The following LMTK3 variants were observed in gnomAD, a reference collection of about 807,000 sequenced individuals.
LMTK3 encodes lemur tail kinase 3.
A neutral mutation model predicts 116.7 loss-of-function variants in LMTK3; 27 were observed. The ratio of observed to expected loss-of-function variants is 0.23; its 90% confidence interval spans 0.17 to 0.32. LMTK3 has a LOEUF of 0.32. Among genes scored for constraint, LMTK3 ranks in the 10% least tolerant of loss-of-function variants. The probability of loss-of-function intolerance (pLI) is 1.00; values close to 1 mark genes in which losing one functional copy is unlikely to be tolerated. For missense variants in LMTK3, 1,764 were observed against 2,068.5 expected, an observed-to-expected ratio of 0.85 and a Z score of 2.86; for synonymous variants, 965 against 971.0, an observed-to-expected ratio of 0.99 and a Z score of 0.11.
In LMTK3 at chr19:48,485,680, C is replaced by T. The variant is rs1008586580; in HGVS notation, c.*93G>A. ...GCCTCGGGGGCCTCCCCAGAGGCGG[C>T]GTCTGCGGTGGTGGCAGTGGCGCCG... On this transcript the variant is annotated 3_prime_UTR_variant, in exon 15 of 15. Coordinates refer to ENST00000600059, the MANE Select transcript of LMTK3 (RefSeq NM_001388485.1). The T allele has an allele frequency of 2.1e-5, 29 of 1,410,826 alleles. No homozygotes were observed. Among genetic ancestry groups the T allele is most frequent in the East Asian group, 4.9e-5 (2 of 40,736 alleles). The allele number at this position is 1,410,826 out of a possible 1,614,324, so 87.4% of individuals were successfully genotyped here.
chr19:48,504,249 A>T lies in LMTK3; in HGVS notation c.558-1253T>A, dbSNP rs1643477. On this transcript the variant is annotated intron_variant, in intron 5 of 14. Transcript: ENST00000600059. ...CCCTCCGGGCCTCTGCCTCAACATC[A>T]TCTCCCCGGGAAGCTTTGCTGCCCC... Among the ~76,000 whole-genome samples, 882 of 151,864 alleles carry T rather than the reference A, an allele frequency of 5.8e-3. 9 individuals carry two copies. The highest frequency in any genetic ancestry group is 0.02 in the African/African-American group (837 of 41,386).
At chr19:48,512,058 G>T (rs927297048), upstream of LMTK3, among the ~76,000 whole-genome samples, 3 of 150,972 alleles carry the variant, frequency 2.0e-5, no homozygotes, top group Non-Finnish European at 3.0e-5. Flanking sequence ...CAGCGGGGGT[G>T]GGGGGGCAGG....
chr19:48,498,861 G>A lies in LMTK3; in HGVS notation c.2208C>T (p.Leu736=). The change falls in exon 11 of 15, where the codon CTC becomes CTT. Residue 736 remains leucine, a synonymous_variant. Transcript: ENST00000600059. ...GGTACTGGGGCGCCGCCGCCCCCAT[G>A]AGGGGGTCCAGAAACTCGGGGGGGG... is the stretch of plus-strand genomic sequence containing the variant. ...ASAPPEFLDP[L]MGAAAPQYPG... 1 of 1,217,322 alleles carries A rather than the reference G, an allele frequency of 8.2e-7. No individual in the cohort carries two copies. The highest frequency in any genetic ancestry group is 1.0e-6 in the Non-Finnish European group (1 of 957,230). 75.4% of individuals were successfully genotyped at this position (1,217,322 alleles called of 1,614,324 possible). A position where few individuals can be genotyped will look rare whatever the true frequency, so the allele number is the denominator to read the frequency against.
chr19:48,485,664 G>C lies in LMTK3; in HGVS notation c.*109C>G, dbSNP rs1029333450. 1 of 1,238,254 alleles carries C rather than the reference G, an allele frequency of 8.1e-7. No homozygotes were observed. The allele number at this position is 1,238,254 out of a possible 1,614,324, so 76.7% of individuals were successfully genotyped here. On this transcript the variant is annotated 3_prime_UTR_variant, in exon 15 of 15. Transcript: ENST00000600059. ...GGAGGGGGAGGGCCCAGCCTCGGGG[G>C]CCTCCCCAGAGGCGGCGTCTGCGGT...
Position 48,491,515 on chromosome 19 carries a change from C to T in LMTK3, c.4117G>A (p.Val1373Ile), listed in dbSNP as rs948896207. ...DQETPTNELS[V>I]QAPPEGDTDP... ...GTGTCCCCCTCGGGGGGGGCCTGGA[C>T]GCTCAGCTCGTTGGTTGGCGTCTCC... Residue 1373 changes from valine (V) to isoleucine (I), a missense_variant, in exon 13 of 15, where the codon GTC becomes ATC. Physicochemically the swap from Val to Ile is conservative, Grantham distance 29. Around this residue, in one of 7 missense-constraint regions of LMTK3, gnomAD observed 281 missense variants for 301.4 expected, o/e 0.93. Transcript: ENST00000600059. The surrounding 1 kb of genome is among the most constrained non-coding windows in gnomAD (Gnocchi z 5.1). 3 of 1,399,384 alleles carry T rather than the reference C, an allele frequency of 2.1e-6. No individual in the cohort carries two copies. Among genetic ancestry groups the T allele is most frequent in the African/African-American group, 3.0e-5 (2 of 66,710 alleles). 86.7% of individuals were successfully genotyped at this position (1,399,384 alleles called of 1,614,324 possible).
In LMTK3 at chr19:48,501,070, G is replaced by T. The variant is rs1479841072; in HGVS notation, c.1077C>A (p.Val359=). The T allele has an allele frequency of 1.3e-6, 2 of 1,575,878 alleles. No homozygotes were observed. The highest frequency in any genetic ancestry group is 1.2e-5 in the South Asian group (1 of 86,558). Residue 359 remains valine, a synonymous_variant, in exon 10 of 15, where the codon GTC becomes GTA. Coordinates refer to ENST00000600059, the MANE Select transcript of LMTK3 (RefSeq NM_001388485.1). ...QPYRHLSDEE[V]LAFVVRQQHV... ...GCTGCTGGCGGACCACGAAGGCGAG[G>T]ACCTCCTCGTCTGACAGGTGGCGGT...
chr19:48,498,107 C>T lies in LMTK3; in HGVS notation c.2962G>A (p.Val988Met), dbSNP rs775701669. ...ELRSPEAGEK[V>M]LVNGGLTPPK... ...GGTGTCAGGCCCCCATTCACCAGCA[C>T]CTTCTCCCCGGCCTCTGGGGACCTC... Residue 988 changes from valine (V) to methionine (M), a missense_variant, in exon 11 of 15, where the codon GTG becomes ATG. Coordinates refer to ENST00000600059, the MANE Select transcript of LMTK3 (RefSeq NM_001388485.1). 2 of 1,613,508 alleles carry T rather than the reference C, an allele frequency of 1.2e-6. No individual in the cohort carries two copies. The highest frequency in any genetic ancestry group is 1.7e-6 in the Non-Finnish European group (2 of 1,179,820).
intron 5 of LMTK3, among the ~76,000 whole-genome samples, chr19:48,504,364 T>C (rs1972527030): frequency 6.6e-6 from 1 of 152,150 alleles, no homozygotes; most frequent in Admixed American, 6.5e-5. Context: ...CCCACTTTCC[T>C]AGGTGTGTCA....
intron 12 of LMTK3, among the ~76,000 whole-genome samples, chr19:48,492,772 C>T (rs1411782051): frequency 6.6e-6 from 1 of 152,096 alleles, no homozygotes; most frequent in Non-Finnish European, 1.5e-5. Context: ...CTCCAGGATC[C>T]CATACTTGAC....
intron 11 of LMTK3, among the ~76,000 whole-genome samples, chr19:48,496,607 C>G (rs770563269): frequency 6.6e-6 from 1 of 151,930 alleles, no homozygotes; most frequent in East Asian, 1.9e-4. Flanking sequence ...CCGGCCCATG[C>G]CTGGCTAACT....
At chr19:48,493,015 C>A (rs1972252636) in intron 12 of LMTK3, among the ~76,000 whole-genome samples, 1 of 152,080 alleles carries the variant, frequency 6.6e-6, no homozygotes, top group African/African-American at 2.4e-5. Flanking sequence ...TCCCCAGACC[C>A]CGCCTTCACC....
intron 4 of LMTK3, 131 bp from the exon 5 acceptor site, chr19:48,509,100 C>G: frequency 1.6e-6 from 1 of 639,798 alleles, no homozygotes; most frequent in Admixed American, 2.8e-5. Context: ...TCCCACCACC[C>G]TTGACCCCCA....
At chr19:48,488,591 C>T (rs553254470) in intron 14 of LMTK3, among the ~76,000 whole-genome samples, 351 of 152,260 alleles carry the variant, frequency 2.3e-3, no homozygotes, top group Non-Finnish European at 4.5e-3. Flanking sequence ...CCTGAAGCCA[C>T]ACCAGTGTCC....
intron 7 of LMTK3, among the ~76,000 whole-genome samples, chr19:48,502,038 CCTT>C (rs1254017938): frequency 2.4e-5 from 3 of 127,030 alleles, no homozygotes; most frequent in Non-Finnish European, 5.1e-5. Context: ...GGCTCCTCCT[CCTT>C]CTCTCCTGGC....
In LMTK3 at chr19:48,497,306, G is replaced by C. The variant is rs376937136; in HGVS notation, c.3676+87C>G. 1 of 1,343,612 alleles carries C rather than the reference G, an allele frequency of 7.4e-7. No homozygotes were observed. The highest frequency in any genetic ancestry group is 9.7e-7 in the Non-Finnish European group (1 of 1,034,500). 83.2% of individuals were successfully genotyped at this position (1,343,612 alleles called of 1,614,324 possible). A position where few individuals can be genotyped will look rare whatever the true frequency, so the allele number is the denominator to read the frequency against. On this transcript the variant is annotated intron_variant, in intron 11 of 14. Coordinates refer to ENST00000600059, the MANE Select transcript of LMTK3 (RefSeq NM_001388485.1). This position sits in a 1 kb window ranked among gnomAD's most constrained non-coding sequence, Gnocchi z 5.7. ...GACCTGCATTCATCACTGCCAGCCCGACCCGACATGTTTACCCACACTCAC... is the reference window on the plus strand; with the variant it reads ...GACCTGCATTCATCACTGCCAGCCCCACCCGACATGTTTACCCACACTCAC...
In LMTK3 at chr19:48,501,061, G is replaced by A; in HGVS notation, c.1086C>T (p.Phe362=). 2 of 1,562,968 alleles carry A rather than the reference G, an allele frequency of 1.3e-6. No individual in the cohort carries two copies. Among genetic ancestry groups the A allele is most frequent in the South Asian group, 1.2e-5 (1 of 84,808 alleles). Residue 362 remains phenylalanine (F), a synonymous_variant, in exon 10 of 15, where the codon TTC becomes TTT. Transcript: ENST00000600059. ...GCTTCACATGCTGCTGGCGGACCACGAAGGCGAGGACCTCCTCGTCTGACA... is the reference window on the plus strand; with the variant it reads ...GCTTCACATGCTGCTGGCGGACCACAAAGGCGAGGACCTCCTCGTCTGACA... ...RHLSDEEVLA[F]VVRQQHVKLA...
Position 48,500,023 on chromosome 19 carries a change from T to G in LMTK3, c.1152-106A>C, listed in dbSNP as rs111513753. 59,413 of 1,085,462 alleles carry G rather than the reference T, an allele frequency of 0.055. 2,450 individuals are homozygous for G. Among genetic ancestry groups the G allele is most frequent in the Middle Eastern group, 0.19 (597 of 3,186 alleles). 67.2% of individuals were successfully genotyped at this position (1,085,462 alleles called of 1,614,324 possible). Reference sequence around the variant, plus strand: ...GAGAGGGGGACAGAGACCCAGAGGGTAACAGAGACCCAGAGAGAGGGGGAC... The same window carrying G: ...GAGAGGGGGACAGAGACCCAGAGGGGAACAGAGACCCAGAGAGAGGGGGAC... On this transcript the variant is annotated intron_variant, in intron 10 of 14. Transcript: ENST00000600059. This position sits in a 1 kb window ranked among gnomAD's most constrained non-coding sequence, Gnocchi z 4.0.
intron 14 of LMTK3, among the ~76,000 whole-genome samples, chr19:48,488,011 C>T (rs1192050635): frequency 1.3e-5 from 2 of 152,176 alleles, no homozygotes; most frequent in African/African-American, 4.8e-5. Context: ...CAGACAGGCT[C>T]AGCAGCTCGC....
intron 5 of LMTK3, among the ~76,000 whole-genome samples, chr19:48,506,066 C>G (rs1025841833): frequency 3.3e-5 from 5 of 151,016 alleles, no homozygotes; most frequent in Non-Finnish European, 5.9e-5. Context: ...CGCTTGAACC[C>G]AGGAGGCAGA....
Sources: allele counts gnomAD v4.1 joint callset (sites outside exome capture counted in the v4.1 genomes callset), GRCh38; gene constraint gnomAD v4.1.1; regional missense constraint gnomAD v4.1.1; non-coding constraint Gnocchi (gnomAD v3.1); transcripts MANE v1.5; gene names NCBI Gene and HGNC (gene_info 2026-07-23, HGNC 2026-07-21).